DLGAP1: variants seen among roughly 807,000 people sequenced by gnomAD.
The protein encoded by DLGAP1 is disks large-associated protein 1.
A neutral mutation model predicts 90.8 loss-of-function variants in DLGAP1; 11 were observed. The observed-to-expected ratio is 0.12, with a 90% CI of 0.08 to 0.20. DLGAP1 has a LOEUF of 0.20. Among genes scored for constraint, DLGAP1 ranks in the 10% least tolerant of loss-of-function variants. The pLI is 1.00. For missense variants in DLGAP1, 1,050 were observed against 1,333.8 expected (o/e 0.79, Z 3.31); for synonymous variants, 558 against 540.7 (o/e 1.03, Z -0.44).
intron 3 of DLGAP1, among the ~76,000 whole-genome samples, chr18:3,913,173 C>A (rs2072072124): frequency 1.3e-5 from 2 of 152,224 alleles, no homozygotes; most frequent in Non-Finnish European, 1.5e-5. Context: ...TCAATGCAGC[C>A]TCGACCTTCT....
intron 5 of DLGAP1, among the ~76,000 whole-genome samples, chr18:3,756,863 C>T (rs2063738287): frequency 6.6e-6 from 1 of 151,988 alleles, no homozygotes; most frequent in Non-Finnish European, 1.5e-5. Context: ...AAAAAACCCC[C>T]AAATTACCAA....
At chr18:3,583,005 T>C (rs2055618281) in intron 7 of DLGAP1, among the ~76,000 whole-genome samples, 1 of 152,018 alleles carries the variant, frequency 6.6e-6, no homozygotes, top group South Asian at 2.1e-4. Context: ...TCCTCTCCCT[T>C]AGGCCTCCTT....
intron 3 of DLGAP1, among the ~76,000 whole-genome samples, chr18:3,998,576 C>T (rs1418627886): frequency 1.3e-5 from 2 of 152,086 alleles, no homozygotes; most frequent in Admixed American, 1.3e-4. Flanking sequence ...GGGTTGAGCA[C>T]GTTCCATCTT....
At chr18:4,205,330 C>T (rs770728121) in intron 1 of DLGAP1, among the ~76,000 whole-genome samples, 4 of 152,170 alleles carry the variant, frequency 2.6e-5, no homozygotes, top group East Asian at 1.9e-4. Context: ...TGTGTGTCTA[C>T]GGCATATGGC....
rs139623328 is a variant in DLGAP1 at position 4,419,426 on chromosome 18, G to T, written c.-267+35580C>A. On this transcript the variant is annotated intron_variant, in intron 1 of 12. Transcript: ENST00000315677. ...ACCTACCCTTCAAAAAGTGGTAAAG[G>T]AAGTTCTATAGGCAGAAAGAATATG... is the stretch of plus-strand genomic sequence containing the variant. Among the ~76,000 whole-genome samples, 518 of 152,274 alleles carry T rather than the reference G, an allele frequency of 3.4e-3. 1 individual carries two copies. The highest frequency in any genetic ancestry group is 6.0e-3 in the Non-Finnish European group (407 of 68,014).
intron 1 of DLGAP1, among the ~76,000 whole-genome samples, chr18:4,188,322 T>C (rs889645812): frequency 2.6e-5 from 4 of 152,174 alleles, no homozygotes; most frequent in Admixed American, 6.5e-5. Context: ...TTAAAATTTA[T>C]TTTAAGTTCC....
chr18:4,417,644 G>C (rs984035831), intron 1 of DLGAP1, among the ~76,000 whole-genome samples: 6 of 152,154 alleles, frequency 3.9e-5, no homozygotes, highest in Admixed American at 3.9e-4. Flanking sequence ...AAAGTGTCCA[G>C]AGTGAAGGGC....
intron 3 of DLGAP1, among the ~76,000 whole-genome samples, chr18:3,903,635 T>G (rs8095776): frequency 1.3e-5 from 2 of 152,032 alleles, no homozygotes; most frequent in South Asian, 2.1e-4. Context: ...ATTTACAGCA[T>G]GTATTTCACT....
chr18:4,133,722 C>T (rs1381391274), intron 2 of DLGAP1, among the ~76,000 whole-genome samples: 2 of 152,034 alleles, frequency 1.3e-5, no homozygotes, highest in Non-Finnish European at 2.9e-5. Context: ...GTGTCTGGTA[C>T]GGAAGGATTC....
intron 1 of DLGAP1, among the ~76,000 whole-genome samples, chr18:4,392,192 T>C (rs985545527): frequency 2.0e-5 from 3 of 152,082 alleles, no homozygotes; most frequent in Non-Finnish European, 4.4e-5. Flanking sequence ...CCAAAGCCTG[T>C]TGAGGGGCAG....
intron 1 of DLGAP1, among the ~76,000 whole-genome samples, chr18:4,382,182 A>G (rs2082138394): frequency 6.6e-6 from 1 of 152,076 alleles, no homozygotes; most frequent in Non-Finnish European, 1.5e-5. Context: ...TTCTTATGTC[A>G]CCCAGTACAG....
intron 1 of DLGAP1, among the ~76,000 whole-genome samples, chr18:4,446,974 A>G (rs2083682884): frequency 6.6e-6 from 1 of 152,350 alleles, no homozygotes; most frequent in South Asian, 2.1e-4. Context: ...TAAAACTACA[A>G]TGAGATATCA....
At chr18:3,746,440 C>T (rs760103332) in intron 5 of DLGAP1, among the ~76,000 whole-genome samples, 1 of 151,872 alleles carries the variant, frequency 6.6e-6, no homozygotes, top group Non-Finnish European at 1.5e-5. Flanking sequence ...AACTTAGATG[C>T]CATAAAGAGA....
intron 1 of DLGAP1, among the ~76,000 whole-genome samples, chr18:4,193,360 G>T (rs916587072): frequency 6.6e-6 from 1 of 152,138 alleles, no homozygotes; most frequent in African/African-American, 2.4e-5. Context: ...AAAATCATCA[G>T]TTAATAATTT....
chr18:3,746,125 T>G (rs760068288), intron 5 of DLGAP1, among the ~76,000 whole-genome samples: 56 of 152,310 alleles, frequency 3.7e-4, no homozygotes, highest in Middle Eastern at 6.8e-3. Context: ...AACGTGGCAG[T>G]TGGAATAGGC....
At chr18:3,560,436 A>C (rs2054015888) in intron 9 of DLGAP1, among the ~76,000 whole-genome samples, 1 of 149,764 alleles carries the variant, frequency 6.7e-6, no homozygotes, top group African/African-American at 2.5e-5. Context: ...AAAAAAAAAA[A>C]AAAATTAGCC....
intron 1 of DLGAP1, among the ~76,000 whole-genome samples, chr18:4,305,260 C>T (rs563819292): frequency 6.8e-4 from 103 of 151,890 alleles, no homozygotes; most frequent in Non-Finnish European, 2.9e-4. Context: ...ACCAGCCGGG[C>T]GTGGTGGCTC....
chr18:4,258,012 C>CTGT (rs2078930459), intron 1 of DLGAP1, among the ~76,000 whole-genome samples: 1 of 54,914 alleles, frequency 1.8e-5, no homozygotes, highest in African/African-American at 5.8e-5. Flanking sequence ...TGTGTGTGTG[C>CTGT]GCGCGCGCGC....
At chr18:4,390,909 G>A (rs988453619) in intron 1 of DLGAP1, among the ~76,000 whole-genome samples, 4 of 152,162 alleles carry the variant, frequency 2.6e-5, no homozygotes, top group Non-Finnish European at 5.9e-5. Context: ...GTAACTGGAA[G>A]TGCTCCTCTT....
Sources: allele counts gnomAD v4.1 joint callset (sites outside exome capture counted in the v4.1 genomes callset), GRCh38; gene constraint gnomAD v4.1.1; transcripts MANE v1.5; gene names NCBI Gene and HGNC (gene_info 2026-07-23, HGNC 2026-07-21).